The following FBXW7 variants were observed in gnomAD, a reference collection of about 807,000 sequenced individuals.
FBXW7 encodes F-box and WD repeat domain containing 7, also known as F-box/WD repeat-containing protein 7.
Under a neutral mutation model 86.3 loss-of-function variants are expected in FBXW7, and 11 were observed. That is an observed-to-expected ratio of 0.13 (90% CI 0.08 to 0.21). The LOEUF (loss-of-function observed/expected upper bound fraction) is 0.21. Among genes scored for constraint, FBXW7 ranks in the 10% least tolerant of loss-of-function variants. FBXW7 has a pLI of 1.00. For synonymous variants in FBXW7, 313 were observed against 297.9 expected (o/e 1.05, Z -0.52); for missense variants, 488 against 847.4 (o/e 0.58, Z 5.27).
At chr4:152,494,480 A>C (rs1746130323) in intron 2 of FBXW7, among the ~76,000 whole-genome samples, 1 of 152,198 alleles carries the variant, frequency 6.6e-6, no homozygotes, top group Admixed American at 6.5e-5. Context: ...AATTTTTTTT[A>C]AATGTCCTTT....
chr4:152,463,637 G>C (rs75180441), intron 2 of FBXW7, among the ~76,000 whole-genome samples: 2 of 152,180 alleles, frequency 1.3e-5, no homozygotes, highest in Non-Finnish European at 2.9e-5. Context: ...CAACCATATA[G>C]CAAGCATTGT....
At chr4:152,416,922 T>C (rs1404234676) in intron 2 of FBXW7, among the ~76,000 whole-genome samples, 3 of 152,230 alleles carry the variant, frequency 2.0e-5, no homozygotes, top group African/African-American at 4.8e-5. Flanking sequence ...AATTTTAAAC[T>C]GGTTGTTAAA....
At chr4:152,467,094 T>G (rs1743525792) in intron 2 of FBXW7, among the ~76,000 whole-genome samples, 1 of 152,200 alleles carries the variant, frequency 6.6e-6, no homozygotes, top group Non-Finnish European at 1.5e-5. Flanking sequence ...GTAATTGTCA[T>G]AATAAACTAT....
At chr4:152,330,512 C>T (rs1307160378) in intron 9 of FBXW7, among the ~76,000 whole-genome samples, 2 of 151,938 alleles carry the variant, frequency 1.3e-5, no homozygotes, top group Non-Finnish European at 2.9e-5. Flanking sequence ...TAAAAAGATA[C>T]TCAATTTAAC....
At chr4:152,323,947 G>A in intron 13 of FBXW7, 1 of 459,538 alleles carries the variant, frequency 2.2e-6, no homozygotes, top group East Asian at 3.9e-5. Context: ...GTTAAGTAGA[G>A]TCAATTGAAC....
intron 2 of FBXW7, among the ~76,000 whole-genome samples, chr4:152,478,176 C>T (rs1249996352): frequency 1.3e-5 from 2 of 151,998 alleles, no homozygotes; most frequent in African/African-American, 4.8e-5. Context: ...TATTCATTTC[C>T]AGAACTTTTC....
intron 4 of FBXW7, among the ~76,000 whole-genome samples, chr4:152,394,783 C>T (rs1736276591): frequency 6.6e-6 from 1 of 152,016 alleles, no homozygotes; most frequent in Non-Finnish European, 1.5e-5. Context: ...CTCTCAATAA[C>T]ACTATGTGGT....
intron 4 of FBXW7, among the ~76,000 whole-genome samples, chr4:152,387,714 T>TTTTTTTTC: frequency 6.9e-6 from 1 of 145,336 alleles, no homozygotes; most frequent in Admixed American, 6.8e-5. Flanking sequence ...ATACCTTTTT[T>TTTTTTTTC]TTTTTTTTTT....
At chr4:152,408,842 G>A (rs1441640920) in intron 4 of FBXW7, among the ~76,000 whole-genome samples, 1 of 152,202 alleles carries the variant, frequency 6.6e-6, no homozygotes, top group Non-Finnish European at 1.5e-5. Flanking sequence ...CGGCCTCTCT[G>A]TAACTTTTGT....
At chr4:152,449,385 GAATAA>G (rs1457577489) in intron 2 of FBXW7, among the ~76,000 whole-genome samples, 1 of 152,146 alleles carries the variant, frequency 6.6e-6, no homozygotes, top group African/African-American at 2.4e-5. Flanking sequence ...GAGGGTAACT[GAATAA>G]AATATACAAG....
intron 4 of FBXW7, among the ~76,000 whole-genome samples, chr4:152,371,493 C>T (rs1395667657): frequency 6.6e-6 from 1 of 151,796 alleles, no homozygotes; most frequent in African/African-American, 2.4e-5. Flanking sequence ...ATTTGAAAAC[C>T]GGCAGATTAT....
intron 2 of FBXW7, among the ~76,000 whole-genome samples, chr4:152,470,857 A>T (rs910078871): frequency 1.3e-5 from 2 of 152,174 alleles, no homozygotes; most frequent in African/African-American, 4.8e-5. Context: ...GCATTTGATG[A>T]TAAAACTCAG....
At chr4:152,485,420 T>C (rs1048325969) in intron 2 of FBXW7, among the ~76,000 whole-genome samples, 4 of 152,154 alleles carry the variant, frequency 2.6e-5, no homozygotes, top group Non-Finnish European at 5.9e-5. Flanking sequence ...GTAGTGGTAT[T>C]GCTATAGTAA....
intron 2 of FBXW7, among the ~76,000 whole-genome samples, chr4:152,504,782 T>G (rs1747262715): frequency 6.6e-6 from 1 of 152,176 alleles, no homozygotes; most frequent in African/African-American, 2.4e-5. Flanking sequence ...CTACCAGATT[T>G]CAAAAACTTG....
chr4:152,330,156 G>A (rs1005798501), intron 9 of FBXW7, among the ~76,000 whole-genome samples: 3 of 151,610 alleles, frequency 2.0e-5, no homozygotes, highest in Admixed American at 2.0e-4. Flanking sequence ...TAACCACAAA[G>A]AGTAACAATT....
intron 2 of FBXW7, among the ~76,000 whole-genome samples, chr4:152,494,725 G>A (rs1212735262): frequency 1.3e-5 from 2 of 152,200 alleles, no homozygotes; most frequent in East Asian, 3.8e-4. Flanking sequence ...AGGAGATTAT[G>A]AGGAATACAC....
At chr4:152,340,272 T>G (rs1481420216) in intron 6 of FBXW7, among the ~76,000 whole-genome samples, 2 of 152,070 alleles carry the variant, frequency 1.3e-5, no homozygotes, top group Non-Finnish European at 2.9e-5. Context: ...TCGTGTTATC[T>G]TATTAAAAAG....
At chr4:152,338,412 T>C (rs916527852) in intron 6 of FBXW7, among the ~76,000 whole-genome samples, 2 of 152,072 alleles carry the variant, frequency 1.3e-5, no homozygotes, top group African/African-American at 4.8e-5. Context: ...CTGGATATAT[T>C]ACACATTTGA....
At chr4:152,481,220 T>C (rs543197738) in intron 2 of FBXW7, among the ~76,000 whole-genome samples, 1 of 152,206 alleles carries the variant, frequency 6.6e-6, no homozygotes, top group Non-Finnish European at 1.5e-5. Flanking sequence ...CTACTCTGGC[T>C]TGTGCAGTAC....
Sources: gnomAD v4.1 joint callset for allele counts (sites outside exome capture counted in the v4.1 genomes callset) on GRCh38, gnomAD v4.1.1 for gene constraint, MANE v1.5 for transcripts, NCBI Gene and HGNC (gene_info 2026-07-23, HGNC 2026-07-21) for gene names.